The following UNC5C variants were observed in gnomAD, a reference collection of about 807,000 sequenced individuals.
The protein encoded by UNC5C is netrin receptor UNC5C.
UNC5C carries 47 observed loss-of-function variants against 99.8 expected under a neutral mutation model. The observed-to-expected ratio is 0.47, with a 90% CI of 0.37 to 0.60. The LOEUF is 0.60. Ranked by LOEUF, UNC5C falls within the 20% of genes least tolerant of loss-of-function variation. The probability of loss-of-function intolerance (pLI) is 0.00; values close to 1 mark genes in which losing one functional copy is unlikely to be tolerated. For missense variants in UNC5C, 1,062 were observed against 1,165.9 expected (o/e 0.91, Z 1.30); for synonymous variants, 487 against 452.2 (o/e 1.08, Z -0.98).
Position 95,480,664 on chromosome 4 carries a change from T to C in UNC5C, c.124+68070A>G, listed in dbSNP as rs568304628. ...ACATCAAAAAGCTTATCCACCATGA[T>C]CAAGTGGGCTTCATCCCTGGGATGC... On this transcript the variant is annotated intron_variant, in intron 1 of 15. Coordinates refer to ENST00000453304, the MANE Select transcript of UNC5C (RefSeq NM_003728.4). Among the ~76,000 whole-genome samples the C allele has an allele frequency of 8.5e-5, 13 of 152,140 alleles. No homozygotes were observed. The East Asian group carries it at 2.5e-3, about 30-fold the overall frequency.
rs1744702536 is a variant in UNC5C, at chr4:95,370,196, G to A, written c.125-34565C>T. 2.0e-5 allele frequency among the ~76,000 whole-genome samples: 3 copies of A among 152,050 alleles called. No homozygotes were observed. The South Asian group carries it at 6.2e-4, about 32-fold the overall frequency. On this transcript the variant is annotated intron_variant, in intron 1 of 15. Transcript: ENST00000453304. ...AATTTCAAAGACTCAGGCCATAAAA[G>A]AAGGTAATATATCTCATTAATAATA...
At chr4:95,255,351 T>C (rs1473480523) in intron 4 of UNC5C, among the ~76,000 whole-genome samples, 3 of 152,160 alleles carry the variant, frequency 2.0e-5, no homozygotes, top group African/African-American at 7.2e-5. Flanking sequence ...TTAAAATTCA[T>C]AACAGATCAC....
At chr4:95,484,949 G>T (rs2149479353) in intron 1 of UNC5C, among the ~76,000 whole-genome samples, 1 of 151,922 alleles carries the variant, frequency 6.6e-6, no homozygotes, top group Non-Finnish European at 1.5e-5. Flanking sequence ...TCATAAATTT[G>T]TATCCTTGGT....
chr4:95,532,302 A>G (rs981962546), intron 1 of UNC5C, among the ~76,000 whole-genome samples: 1 of 152,126 alleles, frequency 6.6e-6, no homozygotes, highest in Non-Finnish European at 1.5e-5. Flanking sequence ...ACAACTTCAC[A>G]TTCACCTTGC....
chr4:95,228,639 C>G (rs1738784725), intron 7 of UNC5C, among the ~76,000 whole-genome samples: 1 of 152,152 alleles, frequency 6.6e-6, no homozygotes, highest in Admixed American at 6.5e-5. Context: ...CACCGTCCTT[C>G]TTAAGTACTA....
At chr4:95,256,422 T>C (rs1739984077) in intron 4 of UNC5C, among the ~76,000 whole-genome samples, 2 of 152,088 alleles carry the variant, frequency 1.3e-5, no homozygotes, top group Non-Finnish European at 2.9e-5. Flanking sequence ...GACTTAGTGT[T>C]GACCACTTTT....
At chr4:95,188,549 A>G (rs1736927958) in intron 12 of UNC5C, among the ~76,000 whole-genome samples, 1 of 152,252 alleles carries the variant, frequency 6.6e-6, no homozygotes, top group South Asian at 2.1e-4. Flanking sequence ...TACCATTTTA[A>G]GTGTTACAAT....
At chr4:95,180,013 C>A (rs1358901242) in intron 14 of UNC5C, among the ~76,000 whole-genome samples, 1 of 151,860 alleles carries the variant, frequency 6.6e-6, no homozygotes, top group Non-Finnish European at 1.5e-5. Flanking sequence ...AGACCCCCCC[C>A]ACGGATTGAA....
chr4:95,378,733 C>A (rs925470471), intron 1 of UNC5C, among the ~76,000 whole-genome samples: 3 of 152,106 alleles, frequency 2.0e-5, no homozygotes, highest in African/African-American at 7.2e-5. Flanking sequence ...GTTTTAAAAT[C>A]TTGACAAAAT....
chr4:95,446,559 G>T lies in UNC5C; in HGVS notation c.124+102175C>A, dbSNP rs999778411. On this transcript the variant is annotated intron_variant, in intron 1 of 15. Coordinates refer to ENST00000453304, the MANE Select transcript of UNC5C (RefSeq NM_003728.4). ...GGATTGACGGAAAGTAGACATGAGG[G>T]TATATTTTGGAGGTGAGGAAAATGT... Among the ~76,000 whole-genome samples the T allele has an allele frequency of 3.3e-5, 5 of 152,206 alleles. No homozygotes were observed. In the East Asian group the frequency reaches 5.8e-4, roughly 18 times the overall value.
At chr4:95,346,213 C>T (rs1242942279) in intron 1 of UNC5C, among the ~76,000 whole-genome samples, 1 of 151,844 alleles carries the variant, frequency 6.6e-6, no homozygotes, top group South Asian at 2.1e-4. Flanking sequence ...ACACATACAT[C>T]CTACCAAGAT....
At chr4:95,250,216 A>G (rs940748592) in intron 5 of UNC5C, among the ~76,000 whole-genome samples, 1 of 152,026 alleles carries the variant, frequency 6.6e-6, no homozygotes, top group African/African-American at 2.4e-5. Flanking sequence ...AGCGATGGAG[A>G]TTGAAAAGGA....
At chr4:95,536,048 A>G (rs1295099582) in intron 1 of UNC5C, among the ~76,000 whole-genome samples, 4 of 145,710 alleles carry the variant, frequency 2.7e-5, no homozygotes, top group East Asian at 2.0e-4. Context: ...TTGGCAGTCC[A>G]TATACATACA....
At chr4:95,260,863 A>G (rs1007517035) in intron 4 of UNC5C, among the ~76,000 whole-genome samples, 1 of 152,210 alleles carries the variant, frequency 6.6e-6, no homozygotes, top group Non-Finnish European at 1.5e-5. Context: ...AGAAGCTTGT[A>G]TGGTGCATTC....
chr4:95,526,352 C>T (rs1260487656), intron 1 of UNC5C, among the ~76,000 whole-genome samples: 5 of 152,142 alleles, frequency 3.3e-5, no homozygotes, highest in South Asian at 2.1e-4. Context: ...CACTATAATG[C>T]ACCCAATCTT....
At chr4:95,393,898 G>A (rs1283936555) in intron 1 of UNC5C, among the ~76,000 whole-genome samples, 1 of 145,400 alleles carries the variant, frequency 6.9e-6, no homozygotes, top group Non-Finnish European at 1.5e-5. Context: ...CTCTCCTTTA[G>A]ACACAAAGCC....
chr4:95,274,708 G>A (rs1740791551), intron 4 of UNC5C, among the ~76,000 whole-genome samples: 1 of 152,086 alleles, frequency 6.6e-6, no homozygotes, highest in Non-Finnish European at 1.5e-5. Flanking sequence ...GATAAGGACT[G>A]AATGAACAAT....
At chr4:95,247,354 G>C (rs1739539748) in intron 5 of UNC5C, among the ~76,000 whole-genome samples, 1 of 152,020 alleles carries the variant, frequency 6.6e-6, no homozygotes, top group African/African-American at 2.4e-5. Flanking sequence ...ATGGTAGATA[G>C]GTAGGGTTTC....
At chr4:95,225,370 T>C (rs1267067434) in intron 7 of UNC5C, among the ~76,000 whole-genome samples, 1 of 152,182 alleles carries the variant, frequency 6.6e-6, no homozygotes, top group African/African-American at 2.4e-5. Flanking sequence ...ACAGTGAGTT[T>C]TGATTTTATT....
Sources: gnomAD v4.1 joint callset for allele counts (sites outside exome capture counted in the v4.1 genomes callset) on GRCh38, gnomAD v4.1.1 for gene constraint, MANE v1.5 for transcripts, NCBI Gene and HGNC (gene_info 2026-07-23, HGNC 2026-07-21) for gene names.